The following PARD3 variants were observed in gnomAD, a reference collection of about 807,000 sequenced individuals.
PARD3 encodes the protein partitioning defective 3 homolog.
PARD3 carries 75 observed loss-of-function variants against 155.4 expected under a neutral mutation model. The observed-to-expected ratio is 0.48, with a 90% CI of 0.40 to 0.58. The LOEUF (loss-of-function observed/expected upper bound fraction) is 0.58, where lower values mean the gene tolerates loss of function less well. Ranked by LOEUF, PARD3 falls within the 20% of genes least tolerant of loss-of-function variation. PARD3 has a pLI of 0.00. For missense variants in PARD3, 1,642 were observed against 1,721.7 expected (o/e 0.95, Z 0.82); for synonymous variants, 576 against 610.5 (o/e 0.94, Z 0.83).
At chr10:34,375,228 A>G (rs1302953335) in intron 10 of PARD3, among the ~76,000 whole-genome samples, 1 of 152,190 alleles carries the variant, frequency 6.6e-6, no homozygotes, top group Non-Finnish European at 1.5e-5. Flanking sequence ...GAAGTGGTCA[A>G]TCTTTTAGTG....
In PARD3 at chr10:34,360,097, T is replaced by A; in HGVS notation, c.1870A>T (p.Ile624Phe). The change falls in exon 13 of 25, where the codon ATT becomes TTT. Residue 624 changes from isoleucine to phenylalanine, a missense_variant. Ile to Phe is a conservative substitution (Grantham distance 21, BLOSUM62 0). Coordinates refer to ENST00000374788, the MANE Select transcript of PARD3 (RefSeq NM_001184785.2). ...TTAGATGCTGCTCCTCCATTAATAA[T>A]GGACTTGACAAAGATTCCCAAATCT... Reference protein sequence around the residue: ...HADLGIFVKSIINGGAASKDG... With the variant: ...HADLGIFVKSFINGGAASKDG... 6.2e-7 allele frequency: 1 copy of A among 1,614,132 alleles called. No individual in the cohort carries two copies. The highest frequency in any genetic ancestry group is 8.5e-7 in the Non-Finnish European group (1 of 1,179,970).
rs1843254166 is a variant in PARD3 at position 34,805,498 on chromosome 10, T to G, written c.120+9378A>C. On this transcript the variant is annotated intron_variant, in intron 1 of 24. Coordinates refer to ENST00000374788, the MANE Select transcript of PARD3 (RefSeq NM_001184785.2). ...CTATCATCTCTAAAATGACTTAAAT[T>G]TATACCACCATAAAAGATCACCCCA... Among the ~76,000 whole-genome samples the G allele has an allele frequency of 2.0e-5, 3 of 148,522 alleles. No individual in the cohort carries two copies. The South Asian group carries it at 6.3e-4, about 31-fold the overall frequency.
intron 1 of PARD3, among the ~76,000 whole-genome samples, chr10:34,726,962 C>T (rs1476726064): frequency 1.3e-5 from 2 of 152,132 alleles, no homozygotes; most frequent in Non-Finnish European, 2.9e-5. Flanking sequence ...CTTTGCTTTG[C>T]CAATAACCAG....
intron 1 of PARD3, among the ~76,000 whole-genome samples, chr10:34,792,931 A>G (rs1227696938): frequency 6.6e-6 from 1 of 152,260 alleles, no homozygotes; most frequent in African/African-American, 2.4e-5. Context: ...ACATGTTTGT[A>G]CAGTGATTCT....
intron 18 of PARD3, among the ~76,000 whole-genome samples, chr10:34,333,139 G>A (rs1313466572): frequency 6.6e-6 from 1 of 152,052 alleles, no homozygotes; most frequent in Non-Finnish European, 1.5e-5. Context: ...TTAAGGATAT[G>A]TGTATGTGTG....
chr10:34,474,401 T>C (rs140060035), intron 3 of PARD3, among the ~76,000 whole-genome samples: 1 of 152,210 alleles, frequency 6.6e-6, no homozygotes. Context: ...TTCTATCTGA[T>C]GGATCTCTGT....
intron 11 of PARD3, among the ~76,000 whole-genome samples, chr10:34,372,950 C>A (rs546645254): frequency 6.6e-6 from 1 of 152,136 alleles, no homozygotes; most frequent in Admixed American, 6.5e-5. Context: ...GTCTGAACCA[C>A]AGCTTTATAC....
intron 5 of PARD3, among the ~76,000 whole-genome samples, chr10:34,431,065 T>C (rs918879396): frequency 2.6e-5 from 4 of 152,326 alleles, no homozygotes; most frequent in African/African-American, 9.6e-5. Flanking sequence ...TTTCATTAAG[T>C]GACCATTTTA....
At chr10:34,653,049 A>G (rs910452993) in intron 2 of PARD3, among the ~76,000 whole-genome samples, 7 of 152,138 alleles carry the variant, frequency 4.6e-5, no homozygotes, top group Admixed American at 1.3e-4. Flanking sequence ...AAAAAAACAC[A>G]CATGCTTAAG....
chr10:34,432,982 C>T (rs2076021923), intron 5 of PARD3, among the ~76,000 whole-genome samples: 1 of 152,162 alleles, frequency 6.6e-6, no homozygotes, highest in East Asian at 1.9e-4. Flanking sequence ...CAGGGTGCCA[C>T]AGATCCAAAG....
chr10:34,576,136 A>C (rs1033197895), intron 2 of PARD3, among the ~76,000 whole-genome samples: 1 of 152,206 alleles, frequency 6.6e-6, no homozygotes, highest in Non-Finnish European at 1.5e-5. Flanking sequence ...GCCCTCCCCC[A>C]CAAAGTCTCA....
chr10:34,362,540 G>A (rs1385540469), intron 12 of PARD3, among the ~76,000 whole-genome samples: 1 of 152,124 alleles, frequency 6.6e-6, no homozygotes, highest in Non-Finnish European at 1.5e-5. Context: ...TGTCACCCAA[G>A]GTGGAATGCG....
At chr10:34,460,874 C>T (rs997907292) in intron 4 of PARD3, among the ~76,000 whole-genome samples, 1 of 152,076 alleles carries the variant, frequency 6.6e-6, no homozygotes, top group Non-Finnish European at 1.5e-5. Context: ...GGTACAGCAA[C>T]AGTACCTACA....
At chr10:34,688,282 C>T (rs958746124) in intron 2 of PARD3, among the ~76,000 whole-genome samples, 1 of 152,158 alleles carries the variant, frequency 6.6e-6, no homozygotes, top group Non-Finnish European at 1.5e-5. Flanking sequence ...TGCTGTACTA[C>T]CCACAGGGAA....
chr10:34,427,271 T>A, intron 5 of PARD3, among the ~76,000 whole-genome samples: 1 of 152,336 alleles, frequency 6.6e-6, no homozygotes, highest in Non-Finnish European at 1.5e-5. Flanking sequence ...TGCGGAATTC[T>A]TTCCCCAGTA....
chr10:34,760,970 A>C (rs1321542683), intron 1 of PARD3, among the ~76,000 whole-genome samples: 1 of 152,206 alleles, frequency 6.6e-6, no homozygotes, highest in East Asian at 1.9e-4. Flanking sequence ...TACTGCAATA[A>C]ATAAATTAAA....
intron 22 of PARD3, among the ~76,000 whole-genome samples, chr10:34,154,706 G>A (rs1948925112): frequency 6.6e-6 from 1 of 152,136 alleles, no homozygotes; most frequent in Non-Finnish European, 1.5e-5. Context: ...GAGAGACAGA[G>A]AGATTTATTT....
chr10:34,510,409 A>G (rs1002717194), intron 3 of PARD3, among the ~76,000 whole-genome samples: 8 of 152,182 alleles, frequency 5.3e-5, no homozygotes, highest in Non-Finnish European at 1.0e-4. Context: ...TCTCATTTGG[A>G]TGGTCTTCAC....
intron 1 of PARD3, among the ~76,000 whole-genome samples, chr10:34,746,675 G>T (rs1445196786): frequency 2.0e-5 from 3 of 152,040 alleles, no homozygotes; most frequent in Non-Finnish European, 4.4e-5. Context: ...AAAAAATTAT[G>T]AAAGACGCTC....
Sources: allele counts gnomAD v4.1 joint callset (sites outside exome capture counted in the v4.1 genomes callset), GRCh38; gene constraint gnomAD v4.1.1; transcripts MANE v1.5; gene names NCBI Gene and HGNC (gene_info 2026-07-23, HGNC 2026-07-21).